Variants in LRP8 observed in about 807,000 individuals in gnomAD.
LRP8 encodes the protein LDL receptor related protein 8, also known as low-density lipoprotein receptor-related protein 8.
LRP8 carries 46 observed loss-of-function variants against 111.6 expected under a neutral mutation model. That is an observed-to-expected ratio of 0.41 (90% CI 0.33 to 0.53). The LOEUF is 0.53. Ranked by LOEUF, LRP8 falls within the 20% of genes least tolerant of loss-of-function variation. The pLI is 0.20. For synonymous variants in LRP8, 464 were observed against 511.2 expected (o/e 0.91, Z 1.24); for missense variants, 959 against 1,297.4 (o/e 0.74, Z 4.01).
intron 2 of LRP8, among the ~76,000 whole-genome samples, chr1:53,295,697 G>A (rs1381297287): frequency 6.6e-6 from 1 of 152,212 alleles, no homozygotes; most frequent in Non-Finnish European, 1.5e-5. Flanking sequence ...GGAGATGCAT[G>A]ATGCCCACGG....
Position 53,262,121 on chromosome 1 carries a change from G to A in LRP8, c.1861C>T (p.Leu621=). Residue 621 remains leucine, a synonymous_variant, in exon 12 of 19, where the codon CTG becomes TTG. Transcript: ENST00000306052. The surrounding 1 kb of genome is among the most constrained non-coding windows in gnomAD (Gnocchi z 4.8). ...CTCAGGAAGTCAGTGGAGGAGATCA[G>A]CGTCTTTCTGTTGCCTCCACTGAAG... The part of the protein sequence containing the change: ...IDFSGGNRKT[L]ISSTDFLSHP... 6.2e-7 allele frequency: 1 copy of A among 1,614,190 alleles called. No homozygotes were observed. Among genetic ancestry groups the A allele is most frequent in the Non-Finnish European group, 8.5e-7 (1 of 1,180,040 alleles).
At chr1:53,298,147 C>G (rs1203800871) in intron 2 of LRP8, among the ~76,000 whole-genome samples, 1 of 152,222 alleles carries the variant, frequency 6.6e-6, no homozygotes, top group African/African-American at 2.4e-5. Context: ...CCTCCAGGCC[C>G]CAGTACATCC....
In LRP8 at chr1:53,326,996, C is replaced by T. The variant is rs752810033; in HGVS notation, c.125-4G>A. The T allele has an allele frequency of 2.5e-6, 4 of 1,612,424 alleles. No individual in the cohort carries two copies. In the South Asian group the frequency reaches 4.4e-5, roughly 18 times the overall value. The stretch of plus-strand genomic sequence containing the variant: ...TTTTCGCAATCCTTGGCCGGCCCTG[C>T]GAGGGGGAGGGAGCGTGAGCTGGAT... On this transcript the variant is annotated splice_polypyrimidine_tract_variant and splice_region_variant and intron_variant, in intron 1 of 18. Coordinates refer to ENST00000306052, the MANE Select transcript of LRP8 (RefSeq NM_004631.5).
At chr1:53,327,630 C>G (rs1253059969) in intron 1 of LRP8, among the ~76,000 whole-genome samples, 159 bp downstream of exon 1, 2 of 152,130 alleles carry the variant, frequency 1.3e-5, no homozygotes, top group African/African-American at 4.8e-5. Flanking sequence ...GGCGGGGGGC[C>G]GAGGGCAAAT....
chr1:53,311,383 G>A (rs1441123223), intron 2 of LRP8, among the ~76,000 whole-genome samples: 1 of 152,144 alleles, frequency 6.6e-6, no homozygotes, highest in Middle Eastern at 3.2e-3. Flanking sequence ...AGTTCCTGGG[G>A]TGTGGGCTCC....
rs936361201 is a variant in LRP8 at position 53,244,802 on chromosome 1, T to C, written c.*2216A>G. The C allele has an allele frequency of 6.6e-6, 1 of 152,242 alleles. No individual in the cohort carries two copies. The allele number at this position is 152,242 out of a possible 1,614,324, so 9.4% of individuals were successfully genotyped here. A position where few individuals can be genotyped will look rare whatever the true frequency, so the allele number is the denominator to read the frequency against. The stretch of plus-strand genomic sequence containing the variant: ...TTTGGAAGGTTACAGAAAAAGTCAC[T>C]TGTTTTGAGTACATTTCCATGTTTT... On this transcript the variant is annotated 3_prime_UTR_variant, in exon 19 of 19. Transcript: ENST00000306052.
intron 4 of LRP8, 109 bp downstream of exon 4, chr1:53,280,478 C>T: frequency 1.4e-6 from 2 of 1,427,350 alleles, no homozygotes; most frequent in East Asian, 2.4e-5. Flanking sequence ...CTTTCCTCTC[C>T]ACCACCAAGC....
chr1:53,327,034 C>T, intron 1 of LRP8, 42 bp from the exon 2 acceptor site: 1 of 1,603,574 alleles, frequency 6.2e-7, no homozygotes, highest in Non-Finnish European at 8.5e-7. Context: ...GCGGACTCGG[C>T]CCCACTCCCC....
rs1170859778 is a variant in LRP8 at position 53,294,578 on chromosome 1, G to A, written c.245-4889C>T. ...GCTAAGGATGGCCCCAGGGCTTTAT[G>A]AACTGAGAAGCAAAAAGGTGCAAGT... On this transcript the variant is annotated intron_variant, in intron 2 of 18. Coordinates refer to ENST00000306052, the MANE Select transcript of LRP8 (RefSeq NM_004631.5). The surrounding 1 kb of genome is among the most constrained non-coding windows in gnomAD (Gnocchi z 4.1). Among the ~76,000 whole-genome samples, 1 of 152,210 alleles carries A rather than the reference G, an allele frequency of 6.6e-6. No homozygotes were observed. Among genetic ancestry groups the A allele is most frequent in the Non-Finnish European group, 1.5e-5 (1 of 68,036 alleles).
chr1:53,295,775 C>A (rs1344697859), intron 2 of LRP8, among the ~76,000 whole-genome samples: 1 of 152,194 alleles, frequency 6.6e-6, no homozygotes, highest in Non-Finnish European at 1.5e-5. Flanking sequence ...GCCTTCCAAG[C>A]TTGTTTAACC....
At position 53,264,276 on chromosome 1, in the gene LRP8, C is replaced by G. The variant is rs774722902; in HGVS notation, c.1548G>C (p.Ser516=). The change falls in exon 10 of 19, where the codon TCG becomes TCC. Residue 516 remains serine, a synonymous_variant. Transcript: ENST00000306052. ...WVHKHIYWTD[S]GNKTISVATV... is the part of the protein sequence containing the mutation. ...TGGCCACTGAGATGGTCTTATTGCC[C>G]GAGTCAGTCCAGTAGATGTGCTTGT... 5 of 1,614,150 alleles carry G rather than the reference C, an allele frequency of 3.1e-6. No individual in the cohort carries two copies. Among genetic ancestry groups the G allele is most frequent in the Non-Finnish European group, 4.2e-6 (5 of 1,180,006 alleles).
chr1:53,325,750 C>T (rs1297042072), intron 2 of LRP8, among the ~76,000 whole-genome samples: 1 of 152,254 alleles, frequency 6.6e-6, no homozygotes, highest in Non-Finnish European at 1.5e-5. Context: ...GGCCTGTCCA[C>T]CTGTCGCCCT....
intron 3 of LRP8, 182 bp downstream of exon 3, chr1:53,289,385 A>G: frequency 1.3e-6 from 1 of 769,132 alleles, no homozygotes; most frequent in Non-Finnish European, 1.9e-6. Context: ...AGGGCTGTGA[A>G]GAAAGTCCAG....
chr1:53,256,230 A>T (rs551243448), intron 15 of LRP8, among the ~76,000 whole-genome samples: 1 of 152,244 alleles, frequency 6.6e-6, no homozygotes, highest in African/African-American at 2.4e-5. Context: ...TCCTCTCTCA[A>T]TGTGACTGTT....
rs1356984259 is a variant in LRP8, at chr1:53,262,585, A to T, written c.1656-21T>A. 1 of 1,592,454 alleles carries T rather than the reference A, an allele frequency of 6.3e-7. No individual in the cohort carries two copies. Among genetic ancestry groups the T allele is most frequent in the Admixed American group, 1.7e-5 (1 of 59,994 alleles). On this transcript the variant is annotated intron_variant, in intron 10 of 18. Coordinates refer to ENST00000306052, the MANE Select transcript of LRP8 (RefSeq NM_004631.5). This position sits in a 1 kb window ranked among gnomAD's most constrained non-coding sequence, Gnocchi z 4.8. The stretch of plus-strand genomic sequence containing the variant: ...TGAACCTAAAAGACAAAATAACCCA[A>T]TTTGCCTTCTTGCTGGGGACATGAC...
At chr1:53,255,220 A>G (rs1488000506) in intron 15 of LRP8, 35 bp from the exon 16 acceptor site, 1 of 1,599,008 alleles carries the variant, frequency 6.3e-7, no homozygotes, top group Non-Finnish European at 8.6e-7. Context: ...ATGATGCTCT[A>G]TCACTGTGTG....
In LRP8 at chr1:53,246,852, T is replaced by A. The variant is rs534167498; in HGVS notation, c.*166A>T. 1.1e-4 allele frequency: 65 copies of A among 607,658 alleles called. No individual in the cohort carries two copies. The highest frequency in any genetic ancestry group is 1.8e-4 in the Non-Finnish European group (62 of 349,980). The allele number at this position is 607,658 out of a possible 1,614,324, so 37.6% of individuals were successfully genotyped here. A position where few individuals can be genotyped will look rare whatever the true frequency, so the allele number is the denominator to read the frequency against. On this transcript the variant is annotated 3_prime_UTR_variant, in exon 19 of 19. Transcript: ENST00000306052. ...TCCTTTGGATGTTTGCAGTTCATCA[T>A]AACTTTGTGGTTACCTTTCCGCAAC...
At chr1:53,254,302 A>ACCCAC (rs1645997832) in intron 16 of LRP8, among the ~76,000 whole-genome samples, 1 of 151,728 alleles carries the variant, frequency 6.6e-6, no homozygotes, top group African/African-American at 2.4e-5. Context: ...CTAGCTCTAA[A>ACCCAC]CCCACCCCAC....
intron 2 of LRP8, among the ~76,000 whole-genome samples, chr1:53,319,326 C>T (rs997101496): frequency 2.0e-5 from 3 of 152,130 alleles, no homozygotes; most frequent in Non-Finnish European, 2.9e-5. Flanking sequence ...TGACCACTCC[C>T]GTGGACTCCT....
Sources: gnomAD v4.1 joint callset for allele counts (sites outside exome capture counted in the v4.1 genomes callset) on GRCh38, gnomAD v4.1.1 for gene constraint, Gnocchi (gnomAD v3.1) non-coding constraint, MANE v1.5 for transcripts, NCBI Gene and HGNC (gene_info 2026-07-23, HGNC 2026-07-21) for gene names.